The following CDH18 variants were observed in gnomAD, a reference collection of about 807,000 sequenced individuals.
CDH18 encodes the protein cadherin-18.
A neutral mutation model predicts 67.9 loss-of-function variants in CDH18; 31 were observed. That is an observed-to-expected ratio of 0.46 (90% CI 0.34 to 0.62). CDH18 has a LOEUF of 0.62. Among genes scored for constraint, CDH18 ranks in the 20% least tolerant of loss-of-function variants. The pLI is 0.01. For missense variants in CDH18, 890 were observed against 975.5 expected, an observed-to-expected ratio of 0.91 and a Z score of 1.17; for synonymous variants, 362 against 347.2, an observed-to-expected ratio of 1.04 and a Z score of -0.48.
At position 19,962,395 on chromosome 5, in the gene CDH18, A is replaced by AAAAAAAAAAAAAAAAAT. The variant is rs58319680; in HGVS notation, c.-257+18664_-257+18665insATTTTTTTTTTTTTTTT. On this transcript the variant is annotated intron_variant, in intron 2 of 12. Transcript: ENST00000382275. Reference sequence around the variant, plus strand: ...TCAAAAAGCAAAAAAAAAAAAAAAAAAGAAAATTCAATTCCTTTAAGAATA... The same window carrying AAAAAAAAAAAAAAAAAT: ...TCAAAAAGCAAAAAAAAAAAAAAAAAAAAAAAAAAAAAAAAATAGAAAATTCAATTCCTTTAAGAATA... 1.1e-3 allele frequency among the ~76,000 whole-genome samples: 133 copies of AAAAAAAAAAAAAAAAAT among 117,040 alleles called. 1 individual carries two copies. Among genetic ancestry groups the AAAAAAAAAAAAAAAAAT allele is most frequent in the Middle Eastern group, 5.5e-3 (1 of 182 alleles). The allele number at this position is 117,040 out of a possible 152,430, so 76.8% of individuals were successfully genotyped here.
intron 2 of CDH18, among the ~76,000 whole-genome samples, chr5:20,097,074 T>C (rs980661768): frequency 6.6e-6 from 1 of 152,182 alleles, no homozygotes; most frequent in Non-Finnish European, 1.5e-5. Flanking sequence ...CTTGAAAACA[T>C]GTTGCTTAAA....
chr5:20,296,672 C>T (rs115712511), intron 1 of CDH18, among the ~76,000 whole-genome samples: 8,075 of 151,806 alleles, frequency 0.053, 293 homozygotes, highest in East Asian at 0.14. Context: ...AAGTAAACTA[C>T]AGTTTATAAT....
At chr5:19,663,336 T>G (rs1580757419) in intron 5 of CDH18, among the ~76,000 whole-genome samples, 1 of 152,114 alleles carries the variant, frequency 6.6e-6, no homozygotes, top group East Asian at 1.9e-4. Flanking sequence ...TACTAACTGC[T>G]ATTTGTACAT....
chr5:19,631,480 G>A (rs570455382), intron 5 of CDH18, among the ~76,000 whole-genome samples: 2 of 151,786 alleles, frequency 1.3e-5, no homozygotes, highest in African/African-American at 4.8e-5. Flanking sequence ...TTCTATTAAG[G>A]TATCTTTGGC....
intron 3 of CDH18, among the ~76,000 whole-genome samples, chr5:19,821,584 C>T (rs779186601): frequency 2.0e-5 from 3 of 151,956 alleles, no homozygotes; most frequent in Non-Finnish European, 4.4e-5. Flanking sequence ...GAGAGGTAGA[C>T]AAGCAAACGT....
At chr5:20,256,899 CTAAG>C (rs1744274051) in intron 1 of CDH18, among the ~76,000 whole-genome samples, 1 of 149,386 alleles carries the variant, frequency 6.7e-6, no homozygotes, top group African/African-American at 2.5e-5. Flanking sequence ...TCTGGAAGTA[CTAAG>C]AGAAAAACGA....
At chr5:20,206,024 T>TA (rs1416446652) in intron 2 of CDH18, among the ~76,000 whole-genome samples, 4 of 151,542 alleles carry the variant, frequency 2.6e-5, no homozygotes, top group Admixed American at 1.3e-4. Context: ...ACATTGAGAT[T>TA]AAAAAGAATA....
At chr5:20,180,515 T>C (rs1319198788) in intron 2 of CDH18, among the ~76,000 whole-genome samples, 1 of 152,184 alleles carries the variant, frequency 6.6e-6, no homozygotes, top group African/African-American at 2.4e-5. Flanking sequence ...ACACACTAAA[T>C]TGTAAATTCT....
chr5:20,138,273 G>T lies in CDH18; in HGVS notation c.-518+117171C>A, dbSNP rs567299219. Among the ~76,000 whole-genome samples, 20 of 152,204 alleles carry T rather than the reference G, an allele frequency of 1.3e-4. No homozygotes were observed. In the South Asian group the frequency reaches 2.3e-3, roughly 17 times the overall value. Reference sequence around the variant, plus strand: ...TTGACAAAATTCAACAGCCCTTCATGCTAAAAACTCTCAATAAACTAGGTA... The same window carrying T: ...TTGACAAAATTCAACAGCCCTTCATTCTAAAAACTCTCAATAAACTAGGTA... On this transcript the variant is annotated intron_variant, in intron 2 of 14. Transcript: ENST00000507958.
Position 20,522,825 on chromosome 5 carries a change from G to A in CDH18, c.-580+52637C>T, listed in dbSNP as rs760393509. Among the ~76,000 whole-genome samples, 89 of 152,148 alleles carry A rather than the reference G, an allele frequency of 5.8e-4. 1 individual carries two copies. The highest frequency in any genetic ancestry group is 1.7e-3 in the African/African-American group (69 of 41,498). On this transcript the variant is annotated intron_variant, in intron 1 of 14. Coordinates refer to the CDH18 transcript ENST00000507958. ...AAATAATTTTATTTCTAATTTATGC[G>A]CACGCACTTGTAATTCTTCTGTAAA...
chr5:20,157,768 G>C (rs563119169), intron 2 of CDH18, among the ~76,000 whole-genome samples: 4 of 151,446 alleles, frequency 2.6e-5, no homozygotes, highest in Non-Finnish European at 5.9e-5. Context: ...CCAGCCTCCT[G>C]AGTAGCGGGA....
rs191663024 is a variant in CDH18, at chr5:20,491,368, A to T, written c.-580+84094T>A. Among the ~76,000 whole-genome samples, 810 of 152,270 alleles carry T rather than the reference A, an allele frequency of 5.3e-3. 10 individuals carry two copies. Among genetic ancestry groups the T allele is most frequent in the African/African-American group, 0.019 (775 of 41,564 alleles). ...GTAATTCTTAACTGTAAAACAGGAAATTTTTAAAGAGGGGAAATATATAAG... is the reference window on the plus strand; with the variant it reads ...GTAATTCTTAACTGTAAAACAGGAATTTTTTAAAGAGGGGAAATATATAAG... On this transcript the variant is annotated intron_variant, in intron 1 of 14. Transcript: ENST00000507958.
intron 2 of CDH18, among the ~76,000 whole-genome samples, chr5:20,119,062 TAG>T (rs1748143454): frequency 2.0e-5 from 3 of 152,138 alleles, no homozygotes; most frequent in African/African-American, 7.2e-5. Context: ...GGCAGATGAT[TAG>T]CTCATCTTCC....
chr5:20,411,432 C>A (rs978741415), intron 1 of CDH18, among the ~76,000 whole-genome samples: 1 of 151,716 alleles, frequency 6.6e-6, no homozygotes, highest in African/African-American at 2.4e-5. Flanking sequence ...GTAGTACACA[C>A]AAAAATCAAC....
intron 5 of CDH18, among the ~76,000 whole-genome samples, chr5:19,670,707 G>C (rs959767977): frequency 3.3e-5 from 5 of 152,100 alleles, no homozygotes; most frequent in African/African-American, 9.7e-5. Flanking sequence ...CAGGTAAGAT[G>C]AATTCAGGAG....
At chr5:19,517,886 A>T (rs1275645448) in intron 10 of CDH18, among the ~76,000 whole-genome samples, 2 of 151,696 alleles carry the variant, frequency 1.3e-5, no homozygotes, top group Non-Finnish European at 1.5e-5. Flanking sequence ...ATTCTGACTT[A>T]CTTTCCAGTT....
At chr5:20,275,214 T>C (rs1051783727) in intron 1 of CDH18, among the ~76,000 whole-genome samples, 1 of 152,110 alleles carries the variant, frequency 6.6e-6, no homozygotes, top group African/African-American at 2.4e-5. Flanking sequence ...AGGTGCCTAA[T>C]GGGAGGTGAT....
intron 5 of CDH18, among the ~76,000 whole-genome samples, chr5:19,663,203 G>A (rs1262793336): frequency 1.3e-5 from 2 of 151,662 alleles, no homozygotes; most frequent in Non-Finnish European, 2.9e-5. Context: ...AATAACGACA[G>A]AATTTTATCA....
chr5:19,853,470 T>G (rs1783934436), intron 2 of CDH18, among the ~76,000 whole-genome samples: 1 of 152,136 alleles, frequency 6.6e-6, no homozygotes. Context: ...TAATGAGACG[T>G]ATTCTTACAA....
Sources: gnomAD v4.1 joint callset for allele counts (sites outside exome capture counted in the v4.1 genomes callset) on GRCh38, gnomAD v4.1.1 for gene constraint, MANE v1.5 for transcripts, NCBI Gene and HGNC (gene_info 2026-07-23, HGNC 2026-07-21) for gene names.